Variants in PNLIPRP3 observed in about 807,000 individuals in gnomAD.
The protein encoded by PNLIPRP3 is pancreatic lipase-related protein 3.
PNLIPRP3 carries 58 observed loss-of-function variants against 52.8 expected under a neutral mutation model. The observed-to-expected ratio is 1.10, with a 90% CI of 0.89 to 1.37. The LOEUF (loss-of-function observed/expected upper bound fraction) is 1.37. Among genes scored for constraint, PNLIPRP3 ranks in the 40% most tolerant of loss-of-function variants. The pLI, the probability that PNLIPRP3 is intolerant of heterozygous loss-of-function variation, is 0.00. For synonymous variants in PNLIPRP3, 192 were observed against 185.0 expected, an observed-to-expected ratio of 1.04 and a Z score of -0.31; for missense variants, 593 against 561.6, an observed-to-expected ratio of 1.06 and a Z score of -0.57.
At chr10:116,474,742 A>G (rs943802711) in intron 10 of PNLIPRP3, among the ~76,000 whole-genome samples, 4 of 152,218 alleles carry the variant, frequency 2.6e-5, no homozygotes, top group Admixed American at 2.6e-4. Flanking sequence ...AATCAAAACT[A>G]CAATAAGATA....
At chr10:116,460,859 T>G in intron 5 of PNLIPRP3, 107 bp from the exon 6 acceptor site, 1 of 1,444,948 alleles carries the variant, frequency 6.9e-7, no homozygotes, top group Non-Finnish European at 9.4e-7. Flanking sequence ...TTTTCCTGAG[T>G]GATCTTTGAT....
chr10:116,451,755 C>G (rs974215151), intron 4 of PNLIPRP3, among the ~76,000 whole-genome samples: 2 of 152,166 alleles, frequency 1.3e-5, no homozygotes, highest in Non-Finnish European at 2.9e-5. Context: ...GTATAGCCTA[C>G]AGAACCATGA....
At chr10:116,466,427 T>G (rs1846283310) in intron 8 of PNLIPRP3, among the ~76,000 whole-genome samples, 1 of 152,222 alleles carries the variant, frequency 6.6e-6, no homozygotes, top group Non-Finnish European at 1.5e-5. Flanking sequence ...TGGCCATTTG[T>G]TATGCAGTAA....
At chr10:116,434,926 A>G (rs968575686) in intron 1 of PNLIPRP3, among the ~76,000 whole-genome samples, 1 of 152,208 alleles carries the variant, frequency 6.6e-6, no homozygotes, top group African/African-American at 2.4e-5. Context: ...AAAAAAGGCA[A>G]CCAGAGAATA....
At position 116,455,630 on chromosome 10, in the gene PNLIPRP3, T is replaced by C. The variant is rs1016455301; in HGVS notation, c.457-92T>C. The C allele has an allele frequency of 3.0e-5, 26 of 866,606 alleles. No homozygotes were observed. In the African/African-American group the frequency reaches 4.5e-4, roughly 15 times the overall value. 53.7% of individuals were successfully genotyped at this position (866,606 alleles called of 1,614,324 possible). A position where few individuals can be genotyped will look rare whatever the true frequency, so the allele number is the denominator to read the frequency against. ...GTCTTATGTGCAAAAGGGAGAACCATGTTGATCCTTTTTTTTTTCTATTTT... is the reference window on the plus strand; with the variant it reads ...GTCTTATGTGCAAAAGGGAGAACCACGTTGATCCTTTTTTTTTTCTATTTT... On this transcript the variant is annotated intron_variant, in intron 4 of 11. Transcript: ENST00000369230.
intron 8 of PNLIPRP3, among the ~76,000 whole-genome samples, chr10:116,466,403 C>A (rs952709111): frequency 6.6e-6 from 1 of 152,112 alleles, no homozygotes; most frequent in Non-Finnish European, 1.5e-5. Flanking sequence ...AAATTATATA[C>A]AATTTTGCTT....
At chr10:116,475,878 GTTTAA>G (rs984089314) in intron 10 of PNLIPRP3, among the ~76,000 whole-genome samples, 1 of 152,136 alleles carries the variant, frequency 6.6e-6, no homozygotes, top group Non-Finnish European at 1.5e-5. Context: ...ACTAACTATA[GTTTAA>G]TTTATTTTAC....
At chr10:116,438,887 A>G (rs1465733495) in intron 2 of PNLIPRP3, among the ~76,000 whole-genome samples, 3 of 152,202 alleles carry the variant, frequency 2.0e-5, no homozygotes, top group Non-Finnish European at 4.4e-5. Flanking sequence ...AGAAGTAAAG[A>G]GAGGAATATT....
chr10:116,476,148 T>A (rs1212368128), intron 10 of PNLIPRP3, among the ~76,000 whole-genome samples: 1 of 152,314 alleles, frequency 6.6e-6, no homozygotes, highest in East Asian at 1.9e-4. Context: ...ACAAAATGTC[T>A]TTTGATCACT....
intron 1 of PNLIPRP3, among the ~76,000 whole-genome samples, chr10:116,429,059 C>T (rs911795259): frequency 6.6e-6 from 1 of 152,016 alleles, no homozygotes; most frequent in Non-Finnish European, 1.5e-5. Flanking sequence ...AAATAAGATG[C>T]AAGTTGACCA....
intron 1 of PNLIPRP3, among the ~76,000 whole-genome samples, chr10:116,435,587 C>G (rs1200600307): frequency 6.6e-6 from 1 of 152,156 alleles, no homozygotes; most frequent in Non-Finnish European, 1.5e-5. Flanking sequence ...TCTGGCTGAG[C>G]TTTGCTGAGG....
At chr10:116,445,562 A>AAAC (rs908577455) in intron 4 of PNLIPRP3, among the ~76,000 whole-genome samples, 1 of 151,920 alleles carries the variant, frequency 6.6e-6, no homozygotes, top group Non-Finnish European at 1.5e-5. Flanking sequence ...TCTTTATAAA[A>AAAC]AAAAAAAGCC....
intron 8 of PNLIPRP3, among the ~76,000 whole-genome samples, chr10:116,468,970 T>C (rs1008995814): frequency 1.3e-5 from 2 of 152,262 alleles, no homozygotes; most frequent in African/African-American, 2.4e-5. Flanking sequence ...ATTCATATCA[T>C]CTACCCATTT....
chr10:116,455,965 G>A (rs1157846194), intron 5 of PNLIPRP3, 135 bp downstream of exon 5: 13 of 706,172 alleles, frequency 1.8e-5, no homozygotes, highest in African/African-American at 3.6e-5. Context: ...GAAATAAAAC[G>A]TGAACGTGTT....
intron 4 of PNLIPRP3, among the ~76,000 whole-genome samples, chr10:116,447,595 A>G (rs985266489): frequency 1.4e-4 from 22 of 152,324 alleles, no homozygotes; most frequent in Admixed American, 9.8e-4. Context: ...CAACAAGAAG[A>G]TTAAAAAAAT....
chr10:116,469,743 G>C lies in PNLIPRP3; in HGVS notation c.1060+426G>C, dbSNP rs143458249. Among the ~76,000 whole-genome samples, 1,101 of 152,282 alleles carry C rather than the reference G, an allele frequency of 7.2e-3. 6 individuals are homozygous for C. The highest frequency in any genetic ancestry group is 0.025 in the African/African-American group (1,040 of 41,540). On this transcript the variant is annotated intron_variant, in intron 9 of 11. Transcript: ENST00000369230. ...TGTAGAGACTGGGAGGACAGTGATAGCAGATGAAGTGGGAGAGACAAATCA... is the reference window on the plus strand; with the variant it reads ...TGTAGAGACTGGGAGGACAGTGATACCAGATGAAGTGGGAGAGACAAATCA...
chr10:116,471,235 T>TA (rs1359445555), intron 9 of PNLIPRP3, among the ~76,000 whole-genome samples: 1 of 152,168 alleles, frequency 6.6e-6, no homozygotes, highest in Non-Finnish European at 1.5e-5. Context: ...TACTGACAGA[T>TA]ACTATATTGA....
intron 1 of PNLIPRP3, among the ~76,000 whole-genome samples, chr10:116,430,291 G>A (rs1845692297): frequency 6.6e-6 from 1 of 152,128 alleles, no homozygotes; most frequent in African/African-American, 2.4e-5. Flanking sequence ...GGTTTGGTGG[G>A]CATGAAGATG....
Position 116,461,185 on chromosome 10 carries a change from G to A in PNLIPRP3, c.703G>A (p.Ala235Thr). 1.9e-6 allele frequency: 3 copies of A among 1,614,192 alleles called. No individual in the cohort carries two copies. The highest frequency in any genetic ancestry group is 1.3e-5 in the African/African-American group (1 of 75,046). Residue 235 changes from alanine (A) to threonine (T), a missense_variant, in exon 7 of 12, where the codon GCT (alanine) becomes ACT (threonine). Physicochemically the swap from Ala to Thr is moderately conservative, Grantham distance 58 (BLOSUM62 0). Transcript: ENST00000369230. ...LFELGVGTIDACGHLDFYPNG... is the reference protein window; with the variant it reads ...LFELGVGTIDTCGHLDFYPNG... ...TATTTCAGGTGTTGGAACCATTGAT[G>A]CTTGTGGTCATCTTGACTTTTACCC...
Sources: gnomAD v4.1 joint callset for allele counts (sites outside exome capture counted in the v4.1 genomes callset) on GRCh38, gnomAD v4.1.1 for gene constraint, MANE v1.5 for transcripts, NCBI Gene and HGNC (gene_info 2026-07-23, HGNC 2026-07-21) for gene names.